The following DGKB variants were observed in gnomAD, a reference collection of about 807,000 sequenced individuals.
The protein encoded by DGKB is diacylglycerol kinase beta, also known as 90 kDa diacylglycerol kinase.
DGKB carries 67 observed loss-of-function variants against 114.3 expected under a neutral mutation model. The observed-to-expected ratio is 0.59, with a 90% CI of 0.48 to 0.72. The LOEUF is 0.72. DGKB is among the 30% of genes least tolerant of loss of function. The pLI is 0.00. For synonymous variants in DGKB, 398 were observed against 323.1 expected, an observed-to-expected ratio of 1.23 and a Z score of -2.49; for missense variants, 907 against 975.2, an observed-to-expected ratio of 0.93 and a Z score of 0.93.
At chr7:14,956,390 A>T (rs1587454386) in intron 1 of DGKB, among the ~76,000 whole-genome samples, 1 of 152,036 alleles carries the variant, frequency 6.6e-6, no homozygotes, top group South Asian at 2.1e-4. Context: ...CACTACCAGC[A>T]CATAACTATG....
chr7:14,465,794 C>T (rs956380266), intron 21 of DGKB, among the ~76,000 whole-genome samples: 2 of 152,094 alleles, frequency 1.3e-5, no homozygotes, highest in African/African-American at 2.4e-5. Flanking sequence ...AGCATGACTC[C>T]GCAATAACAT....
At chr7:14,520,542 A>T (rs1251464719) in intron 20 of DGKB, among the ~76,000 whole-genome samples, 2 of 151,914 alleles carry the variant, frequency 1.3e-5, no homozygotes, top group African/African-American at 4.8e-5. Context: ...CATTCAGGTA[A>T]AAATATGTTT....
chr7:14,455,134 G>A (rs1219326583), intron 21 of DGKB, among the ~76,000 whole-genome samples: 1 of 151,964 alleles, frequency 6.6e-6, no homozygotes, highest in Non-Finnish European at 1.5e-5. Context: ...AGAATTCTCT[G>A]TATTTCTTTA....
At chr7:14,947,582 T>C (rs1181334157) in intron 1 of DGKB, among the ~76,000 whole-genome samples, 1 of 71,750 alleles carries the variant, frequency 1.4e-5, no homozygotes, top group East Asian at 5.5e-3. Flanking sequence ...GAGAAAAATG[T>C]TCTTCCTCAT....
intron 17 of DGKB, among the ~76,000 whole-genome samples, chr7:14,600,786 A>G (rs1803397251): frequency 6.6e-6 from 1 of 152,232 alleles, no homozygotes; most frequent in East Asian, 1.9e-4. Flanking sequence ...TGCCTTCTGA[A>G]CACACTGTGC....
In DGKB at chr7:14,235,764, A is replaced by G. The variant is rs555090770; in HGVS notation, c.2123-57613T>C. Among the ~76,000 whole-genome samples the G allele has an allele frequency of 4.6e-5, 7 of 152,174 alleles. No individual in the cohort carries two copies. In the East Asian group the frequency reaches 1.2e-3, roughly 25 times the overall value. ...GCTTCAACTTCTCTCCTAAAAAGCT[A>G]ATCTATCCTTGCATACTTAAAAGAC... is the stretch of plus-strand genomic sequence containing the variant. On this transcript the variant is annotated intron_variant, in intron 23 of 25. Transcript: ENST00000402815.
At chr7:14,867,035 T>C (rs1404866743) in intron 1 of DGKB, among the ~76,000 whole-genome samples, 1 of 152,198 alleles carries the variant, frequency 6.6e-6, no homozygotes, top group Non-Finnish European at 1.5e-5. Context: ...TTTCTTTGGT[T>C]AAGTGTCTGC....
intron 2 of DGKB, among the ~76,000 whole-genome samples, chr7:14,805,659 T>G (rs1162758129): frequency 6.6e-6 from 1 of 151,960 alleles, no homozygotes; most frequent in Non-Finnish European, 1.5e-5. Flanking sequence ...TCTATCTTAA[T>G]CTTTAGAGAA....
chr7:14,585,594 A>T (rs967680420), intron 17 of DGKB, among the ~76,000 whole-genome samples: 1 of 152,150 alleles, frequency 6.6e-6, no homozygotes, highest in Admixed American at 6.5e-5. Flanking sequence ...TTTGCTTTAC[A>T]TTCTTGCAAA....
intron 13 of DGKB, among the ~76,000 whole-genome samples, chr7:14,647,713 T>C (rs1585322289): frequency 6.6e-6 from 1 of 152,196 alleles, no homozygotes; most frequent in Non-Finnish European, 1.5e-5. Flanking sequence ...GGGTGATTTC[T>C]GCATTTCCAT....
In DGKB at chr7:14,170,850, C is replaced by G. The variant is rs545195424; in HGVS notation, c.2304+5989G>C. Among the ~76,000 whole-genome samples the G allele has an allele frequency of 3.0e-4, 45 of 152,122 alleles. 2 individuals are homozygous for G. In the South Asian group the frequency reaches 9.1e-3, roughly 31 times the overall value. ...GTAGCTAGAGCAACAGAGAAAAGACCAAGTCTTCCTAGTAGAGGACACAAA... is the reference window on the plus strand; with the variant it reads ...GTAGCTAGAGCAACAGAGAAAAGACGAAGTCTTCCTAGTAGAGGACACAAA... On this transcript the variant is annotated intron_variant, in intron 25 of 25. Coordinates refer to ENST00000402815, the MANE Select transcript of DGKB (RefSeq NM_001350709.2).
intron 1 of DGKB, among the ~76,000 whole-genome samples, chr7:14,861,841 A>G (rs923827801): frequency 8.5e-5 from 13 of 152,050 alleles, no homozygotes; most frequent in Non-Finnish European, 1.6e-4. Context: ...GTCTGAATAC[A>G]TCTTAATTAT....
intron 25 of DGKB, among the ~76,000 whole-genome samples, chr7:14,159,180 C>T (rs956618471): frequency 5.3e-5 from 8 of 152,102 alleles, no homozygotes; most frequent in Non-Finnish European, 2.9e-5. Context: ...GGACCGTATG[C>T]CTCACCCCAC....
intron 20 of DGKB, among the ~76,000 whole-genome samples, chr7:14,541,156 A>G (rs1046574617): frequency 6.6e-6 from 1 of 151,996 alleles, no homozygotes; most frequent in Non-Finnish European, 1.5e-5. Flanking sequence ...TGCCATGTCC[A>G]AAGATCTGTG....
At chr7:14,539,740 T>C (rs1793111789) in intron 20 of DGKB, among the ~76,000 whole-genome samples, 1 of 152,200 alleles carries the variant, frequency 6.6e-6, no homozygotes, top group Non-Finnish European at 1.5e-5. Context: ...TATATGACCT[T>C]TGCTCACCTT....
intron 1 of DGKB, among the ~76,000 whole-genome samples, chr7:14,957,187 A>G (rs936516219): frequency 6.6e-6 from 1 of 152,008 alleles, no homozygotes; most frequent in Non-Finnish European, 1.5e-5. Context: ...AGCCTGATTC[A>G]ATGACTAAAA....
chr7:14,198,333 G>A (rs1243074096), intron 23 of DGKB, among the ~76,000 whole-genome samples: 1 of 151,990 alleles, frequency 6.6e-6, no homozygotes, highest in Non-Finnish European at 1.5e-5. Context: ...CACCTTTCTT[G>A]AAAGCTAACA....
intron 1 of DGKB, among the ~76,000 whole-genome samples, chr7:14,942,496 T>C (rs943642463): frequency 6.6e-6 from 1 of 151,996 alleles, no homozygotes; most frequent in African/African-American, 2.4e-5. Flanking sequence ...TACAAGTGGA[T>C]GATTACGGTC....
chr7:14,789,724 T>A (rs1000239004), intron 2 of DGKB, among the ~76,000 whole-genome samples: 3 of 151,758 alleles, frequency 2.0e-5, no homozygotes, highest in Admixed American at 2.0e-4. Flanking sequence ...CTGGCTAATT[T>A]AAAAAAAAAT....
Sources: allele counts gnomAD v4.1 joint callset (sites outside exome capture counted in the v4.1 genomes callset), GRCh38; gene constraint gnomAD v4.1.1; transcripts MANE v1.5; gene names NCBI Gene and HGNC (gene_info 2026-07-23, HGNC 2026-07-21).